SHOC1: variants seen among roughly 807,000 people sequenced by gnomAD.
The protein encoded by SHOC1 is shortage in chiasmata 1, also known as protein shortage in chiasmata 1 ortholog.
SHOC1 carries 136 observed loss-of-function variants against 179.2 expected under a neutral mutation model. The ratio of observed to expected loss-of-function variants is 0.76; its 90% CI spans 0.66 to 0.87. The LOEUF is 0.87. Among genes scored for constraint, SHOC1 ranks in the 40% least tolerant of loss-of-function variants. SHOC1 has a pLI of 0.00. For missense variants in SHOC1, 1,538 were observed against 1,700.8 expected (o/e 0.90, Z 1.68); for synonymous variants, 489 against 586.6 (o/e 0.83, Z 2.41).
chr9:111,764,342 G>A (rs7036815), intron 5 of SHOC1, among the ~76,000 whole-genome samples: 62,380 of 151,994 alleles, frequency 0.41, 14,266 homozygotes, highest in East Asian at 0.77. Flanking sequence ...TTTATCATTG[G>A]TATGTATGTA....
chr9:111,747,232 T>G (rs1834330210), intron 9 of SHOC1, among the ~76,000 whole-genome samples: 1 of 152,156 alleles, frequency 6.6e-6, no homozygotes. Flanking sequence ...TTCAAATAGA[T>G]AATTCAGAAG....
At chr9:111,738,061 G>A in intron 12 of SHOC1, 1 of 449,398 alleles carries the variant, frequency 2.2e-6, no homozygotes. Flanking sequence ...TAGAATTTTA[G>A]GACATAACAA....
intron 5 of SHOC1, among the ~76,000 whole-genome samples, chr9:111,769,207 G>C (rs1436128362): frequency 6.6e-6 from 1 of 152,092 alleles, no homozygotes; most frequent in African/African-American, 2.4e-5. Context: ...ATATTGGTCT[G>C]TAGTTTTCTT....
intron 3 of SHOC1, 102 bp downstream of exon 3, chr9:111,785,810 G>T (rs1836240798): frequency 3.1e-6 from 3 of 976,876 alleles, no homozygotes; most frequent in Non-Finnish European, 2.7e-6. Flanking sequence ...TAGATGCAAT[G>T]AGTTTTTAAT....
chr9:111,784,203 T>C (rs1836181724), intron 3 of SHOC1, among the ~76,000 whole-genome samples: 1 of 152,244 alleles, frequency 6.6e-6, no homozygotes, highest in Admixed American at 6.5e-5. Flanking sequence ...ATGATCCATT[T>C]AGATGCCTAA....
intron 5 of SHOC1, among the ~76,000 whole-genome samples, chr9:111,775,390 T>A (rs968236628): frequency 2.0e-5 from 3 of 152,216 alleles, no homozygotes; most frequent in Non-Finnish European, 4.4e-5. Context: ...TGAACCTTGG[T>A]TTCACATAAA....
intron 24 of SHOC1, among the ~76,000 whole-genome samples, chr9:111,698,697 C>G (rs974840791): frequency 2.0e-5 from 3 of 152,078 alleles, no homozygotes; most frequent in South Asian, 2.1e-4. Context: ...AGAACTCTGA[C>G]AGCTAGTGGT....
At chr9:111,713,889 G>A (rs1642682673) in intron 17 of SHOC1, among the ~76,000 whole-genome samples, 2 of 152,118 alleles carry the variant, frequency 1.3e-5, no homozygotes, top group Non-Finnish European at 2.9e-5. Context: ...TTCTGGCTTG[G>A]TATTTTAAAA....
In SHOC1 at chr9:111,691,473, A is replaced by T. The variant is rs976994944; in HGVS notation, c.4426+78T>A. The T allele has an allele frequency of 1.4e-5, 20 of 1,408,624 alleles. No individual in the cohort carries two copies. In the African/African-American group the frequency reaches 2.9e-4, roughly 20 times the overall value. The allele number at this position is 1,408,624 out of a possible 1,614,324, so 87.3% of individuals were successfully genotyped here. A position where few individuals can be genotyped will look rare whatever the true frequency, so the allele number is the denominator to read the frequency against. On this transcript the variant is annotated intron_variant, in intron 27 of 27. Coordinates refer to ENST00000682961, the MANE Select transcript of SHOC1 (RefSeq NM_001378211.1). Reference sequence around the variant, plus strand: ...TTAAATGTAGTAATTAAAACAAAAAAAATGTTAAATTTGGAGATGATTTTA... The same window carrying T: ...TTAAATGTAGTAATTAAAACAAAAATAATGTTAAATTTGGAGATGATTTTA...
intron 16 of SHOC1, among the ~76,000 whole-genome samples, chr9:111,714,862 A>T (rs1479512635): frequency 6.6e-6 from 1 of 152,180 alleles, no homozygotes; most frequent in African/African-American, 2.4e-5. Context: ...ACACTCTCTA[A>T]ATACATAACC....
At chr9:111,781,088 T>A in intron 3 of SHOC1, 71 bp from the exon 4 acceptor site, 1 of 989,554 alleles carries the variant, frequency 1.0e-6, no homozygotes. Context: ...AGCCAAACAT[T>A]CACCTTTTAC....
At position 111,718,235 on chromosome 9, in the gene SHOC1, G is replaced by A. The variant is rs774910697; in HGVS notation, c.2185C>T (p.Leu729=). ...AAAAGGACATCTCTAATTGTTACCAGAAGATGTAAGAGAGCGGCATGCTTG... is the reference window on the plus strand; with the variant it reads ...AAAAGGACATCTCTAATTGTTACCAAAAGATGTAAGAGAGCGGCATGCTTG... ...TFKHAALLHL[L]VTIRDVLLTC... Residue 729 remains leucine (L), a synonymous_variant, in exon 16 of 28, where the codon CTG becomes TTG. Transcript: ENST00000682961. The A allele has an allele frequency of 6.3e-7, 1 of 1,599,556 alleles. No homozygotes were observed. The highest frequency in any genetic ancestry group is 2.3e-5 in the East Asian group (1 of 43,996).
Position 111,691,695 on chromosome 9 carries a change from A to T in SHOC1, c.4282T>A (p.Leu1428Met). 6.2e-7 allele frequency: 1 copy of T among 1,614,004 alleles called. No individual in the cohort carries two copies. The change falls in exon 27 of 28, where the codon TTG (leucine) becomes ATG (methionine). Residue 1428 changes from leucine to methionine, a missense_variant. By Grantham distance (15) the Leu-to-Met change is conservative (BLOSUM62 2). Coordinates refer to ENST00000682961, the MANE Select transcript of SHOC1 (RefSeq NM_001378211.1). ...GAATCAGAAGCACGAAATAAATCCAAACTGGGGACAGATGGTAATTCTCTC... is the reference window on the plus strand; with the variant it reads ...GAATCAGAAGCACGAAATAAATCCATACTGGGGACAGATGGTAATTCTCTC... Reference protein sequence around the residue: ...FWRELPSVPSLDLFRASDSNA... With the variant: ...FWRELPSVPSMDLFRASDSNA...
At position 111,692,162 on chromosome 9, in the gene SHOC1, A is replaced by G; in HGVS notation, c.3815T>C (p.Ile1272Thr). The change falls in exon 27 of 28, where the codon ATT (isoleucine) becomes ACT (threonine). Residue 1272 changes from isoleucine (I) to threonine (T), a missense_variant. By Grantham distance (89) the Ile-to-Thr change is moderately conservative. Coordinates refer to ENST00000682961, the MANE Select transcript of SHOC1 (RefSeq NM_001378211.1). ...AGCCGGTCTCCTTGATTCTATATTA[A>G]TTAGAAAAGGAGTATTCTGCCCTAT... ...SNIGQNTPFLINIESRRPAYN... is the reference protein window; with the variant it reads ...SNIGQNTPFLTNIESRRPAYN... 1 of 1,613,670 alleles carries G rather than the reference A, an allele frequency of 6.2e-7. No homozygotes were observed. Among genetic ancestry groups the G allele is most frequent in the Non-Finnish European group, 8.5e-7 (1 of 1,179,746 alleles).
At chr9:111,687,012 C>T in intron 27 of SHOC1, 142 bp from the exon 28 acceptor site, 1 of 420,698 alleles carries the variant, frequency 2.4e-6, no homozygotes, top group Non-Finnish European at 4.1e-6. Context: ...GTGGCGCAAT[C>T]TCGGCTCACT....
intron 5 of SHOC1, chr9:111,759,259 C>G (rs374204923): frequency 6.2e-7 from 1 of 1,613,520 alleles, no homozygotes; most frequent in Admixed American, 1.7e-5. Context: ...CTCTTAATAT[C>G]TCCAATTCAT....
intron 2 of SHOC1, among the ~76,000 whole-genome samples, chr9:111,786,688 G>T (rs1024043209): frequency 6.6e-6 from 1 of 151,988 alleles, no homozygotes; most frequent in African/African-American, 2.4e-5. Context: ...GTGATCAGTG[G>T]TCTTTGATGT....
intron 4 of SHOC1, among the ~76,000 whole-genome samples, chr9:111,777,208 C>T (rs1013441135): frequency 7.2e-5 from 11 of 152,240 alleles, no homozygotes; most frequent in African/African-American, 2.2e-4. Context: ...TTTGGTTTTA[C>T]AATAGTGATG....
At position 111,733,502 on chromosome 9, in the gene SHOC1, G is replaced by A. The variant is rs1349425905; in HGVS notation, c.1417+4778C>T. The stretch of plus-strand genomic sequence containing the variant: ...GCCAATTGTTGCCATATCAGAATCT[G>A]AGTCCAGTTTTTGGAATTTAAAAAA... On this transcript the variant is annotated intron_variant, in intron 12 of 27. Transcript: ENST00000682961. 2.0e-4 allele frequency among the ~76,000 whole-genome samples: 31 copies of A among 152,158 alleles called. 1 individual carries two copies. Among genetic ancestry groups the A allele is most frequent in the Admixed American group, 2.0e-3 (31 of 15,254 alleles).
Sources: allele counts gnomAD v4.1 joint callset (sites outside exome capture counted in the v4.1 genomes callset), GRCh38; gene constraint gnomAD v4.1.1; transcripts MANE v1.5; gene names NCBI Gene and HGNC (gene_info 2026-07-23, HGNC 2026-07-21).